The following IQCM variants were observed in gnomAD, a reference collection of about 807,000 sequenced individuals.
The protein encoded by IQCM is IQ domain-containing protein M.
A neutral mutation model predicts 57.6 loss-of-function variants in IQCM; 45 were observed. The observed-to-expected ratio is 0.78, with a 90% CI of 0.62 to 1.00. IQCM has a LOEUF of 1.00. Ranked by LOEUF, IQCM falls within the 50% of genes least tolerant of loss-of-function variation. The probability of loss-of-function intolerance (pLI) is 0.00; values close to 1 mark genes in which losing one functional copy is unlikely to be tolerated. For missense variants in IQCM, 468 were observed against 511.6 expected, an observed-to-expected ratio of 0.91 and a Z score of 0.82; for synonymous variants, 148 against 158.9, an observed-to-expected ratio of 0.93 and a Z score of 0.51.
chr4:149,533,307 TC>T (rs754396110), intron 12 of IQCM, among the ~76,000 whole-genome samples: 3 of 152,096 alleles, frequency 2.0e-5, no homozygotes, highest in Non-Finnish European at 4.4e-5. Context: ...AATAAGCATC[TC>T]TGTATCTAGC....
intron 7 of IQCM, among the ~76,000 whole-genome samples, chr4:149,650,349 G>A (rs1759048486): frequency 6.6e-6 from 1 of 151,050 alleles, no homozygotes. Context: ...TGCTTCCCTA[G>A]AAGCTTTGGA....
chr4:149,591,855 A>G (rs558244170), intron 8 of IQCM, among the ~76,000 whole-genome samples: 91 of 152,242 alleles, frequency 6.0e-4, no homozygotes, highest in African/African-American at 2.1e-3. Context: ...TCTATCACTG[A>G]TGGACATTTG....
chr4:149,685,677 T>C (rs1027038711), intron 6 of IQCM, among the ~76,000 whole-genome samples: 12 of 151,558 alleles, frequency 7.9e-5, no homozygotes, highest in Admixed American at 7.3e-4. Flanking sequence ...ATAATATCAA[T>C]GAATTATTGT....
intron 5 of IQCM, among the ~76,000 whole-genome samples, chr4:149,718,306 A>G (rs929933947): frequency 6.6e-6 from 1 of 152,192 alleles, no homozygotes; most frequent in Non-Finnish European, 1.5e-5. Context: ...CCTCCCCTCA[A>G]AAACCCTGAA....
At chr4:149,535,996 G>A (rs186429109) in intron 12 of IQCM, among the ~76,000 whole-genome samples, 1 of 151,970 alleles carries the variant, frequency 6.6e-6, no homozygotes, top group Admixed American at 6.6e-5. Context: ...CTAGGGAAGA[G>A]AGCAGGCAGA....
At chr4:149,703,771 A>AAATCATTAC (rs1391595055) in intron 5 of IQCM, among the ~76,000 whole-genome samples, 1 of 151,932 alleles carries the variant, frequency 6.6e-6, no homozygotes, top group Non-Finnish European at 1.5e-5. Context: ...GTCAAAGGGA[A>AAATCATTAC]AATCATTACT....
intron 12 of IQCM, among the ~76,000 whole-genome samples, chr4:149,544,989 G>T (rs984885549): frequency 2.0e-5 from 3 of 151,758 alleles, no homozygotes; most frequent in African/African-American, 7.3e-5. Flanking sequence ...CTTGGCTATG[G>T]TTTTTTTTAG....
At chr4:149,502,510 A>T (rs1743357661) in intron 12 of IQCM, among the ~76,000 whole-genome samples, 1 of 152,096 alleles carries the variant, frequency 6.6e-6, no homozygotes, top group Admixed American at 6.5e-5. Context: ...TCTGCAAACA[A>T]AACAAAACAA....
intron 7 of IQCM, among the ~76,000 whole-genome samples, chr4:149,623,490 A>C (rs558606328): frequency 6.6e-6 from 1 of 152,224 alleles, no homozygotes; most frequent in Non-Finnish European, 1.5e-5. Flanking sequence ...AAAATCCTCA[A>C]GGTAATCATT....
chr4:149,569,006 T>C (rs2149953504), intron 9 of IQCM, among the ~76,000 whole-genome samples: 1 of 152,264 alleles, frequency 6.6e-6, no homozygotes, highest in South Asian at 2.1e-4. Context: ...GTGCCAGTTC[T>C]AACTATGTGC....
intron 12 of IQCM, among the ~76,000 whole-genome samples, chr4:149,515,499 C>T (rs1560938218): frequency 6.6e-6 from 1 of 152,206 alleles, no homozygotes; most frequent in South Asian, 2.1e-4. Flanking sequence ...CACCAATGCT[C>T]TCATGGGGAG....
At chr4:149,751,735 T>C (rs886648188) in intron 2 of IQCM, among the ~76,000 whole-genome samples, 3 of 152,156 alleles carry the variant, frequency 2.0e-5, no homozygotes, top group South Asian at 2.1e-4. Context: ...TTATTCTATA[T>C]TGGAGATTTA....
intron 8 of IQCM, among the ~76,000 whole-genome samples, chr4:149,610,410 T>C (rs577286141): frequency 5.3e-4 from 80 of 152,162 alleles, no homozygotes; most frequent in African/African-American, 1.9e-3. Context: ...AGACCCTGAA[T>C]AGCCAAAGCA....
chr4:149,783,931 G>C (rs1771846475), intron 2 of IQCM, among the ~76,000 whole-genome samples: 1 of 152,138 alleles, frequency 6.6e-6, no homozygotes, highest in African/African-American at 2.4e-5. Context: ...ATATGAATGA[G>C]CATGGAAGTG....
At chr4:149,531,744 C>G (rs769168261) in intron 12 of IQCM, among the ~76,000 whole-genome samples, 6 of 152,036 alleles carry the variant, frequency 3.9e-5, no homozygotes, top group Non-Finnish European at 8.8e-5. Flanking sequence ...ACTAGCACAA[C>G]TGAGCCCCTC....
chr4:149,805,482 A>C (rs994065268), intron 2 of IQCM, among the ~76,000 whole-genome samples: 1 of 152,200 alleles, frequency 6.6e-6, no homozygotes, highest in South Asian at 2.1e-4. Flanking sequence ...CATCCTGAAG[A>C]AATATCAGCA....
At chr4:149,707,485 T>C (rs972744461) in intron 5 of IQCM, among the ~76,000 whole-genome samples, 3 of 151,974 alleles carry the variant, frequency 2.0e-5, no homozygotes, top group African/African-American at 7.2e-5. Context: ...CTGGACACTC[T>C]TTGCTCTCTA....
chr4:149,457,316 T>A (rs1737807841), intron 12 of IQCM, among the ~76,000 whole-genome samples: 1 of 152,082 alleles, frequency 6.6e-6, no homozygotes, highest in Non-Finnish European at 1.5e-5. Context: ...CTGATTGTCC[T>A]CTCTAGCTTC....
chr4:149,580,751 A>C (rs959089884), intron 9 of IQCM, among the ~76,000 whole-genome samples: 3 of 151,798 alleles, frequency 2.0e-5, no homozygotes, highest in Non-Finnish European at 2.9e-5. Flanking sequence ...TTGTTATGGG[A>C]TATTCCAGTG....
Sources: allele counts gnomAD v4.1 joint callset (sites outside exome capture counted in the v4.1 genomes callset), GRCh38; gene constraint gnomAD v4.1.1; transcripts MANE v1.5; gene names NCBI Gene and HGNC (gene_info 2026-07-23, HGNC 2026-07-21).